Variants in HS3ST2 observed in about 807,000 individuals in gnomAD.
HS3ST2 encodes the protein heparan sulfate glucosamine 3-O-sulfotransferase 2.
Under a neutral mutation model 26.3 loss-of-function variants are expected in HS3ST2, and 17 were observed. That is an observed-to-expected ratio of 0.65 (90% confidence interval 0.44 to 0.97). HS3ST2 has a LOEUF of 0.97. Among genes scored for constraint, HS3ST2 ranks in the 50% least tolerant of loss-of-function variants. The pLI is 0.00. For synonymous variants in HS3ST2, 237 were observed against 219.2 expected, an observed-to-expected ratio of 1.08 and a Z score of -0.72; for missense variants, 402 against 501.2, an observed-to-expected ratio of 0.80 and a Z score of 1.89.
intron 1 of HS3ST2, among the ~76,000 whole-genome samples, chr16:22,830,018 G>C (rs1228223831): frequency 6.6e-6 from 1 of 152,164 alleles, no homozygotes; most frequent in Non-Finnish European, 1.5e-5. Flanking sequence ...GATGACCCAT[G>C]CTTGGAGAAA....
chr16:22,833,375 G>A, intron 1 of HS3ST2: 1 of 446,650 alleles, frequency 2.2e-6, no homozygotes, highest in South Asian at 1.6e-5. Context: ...TTGCTAAACT[G>A]TGGATGATAA....
intron 1 of HS3ST2, among the ~76,000 whole-genome samples, chr16:22,822,237 C>A (rs752896810): frequency 6.6e-6 from 1 of 152,138 alleles, no homozygotes; most frequent in Non-Finnish European, 1.5e-5. Context: ...ACAGTCAAGG[C>A]TCACTGCAGT....
Position 22,915,138 on chromosome 16 carries a change from C to A in HS3ST2, c.680C>A (p.Thr227Asn). The A allele has an allele frequency of 1.2e-6, 2 of 1,614,102 alleles. No individual in the cohort carries two copies. The highest frequency in any genetic ancestry group is 1.7e-6 in the Non-Finnish European group (2 of 1,180,018). Reference sequence around the variant, plus strand: ...CTCTCCAAGAAGCCCGACATCCCGACCTTTGAGGGCCTCTCCTTCCGCAAC... The same window carrying A: ...CTCTCCAAGAAGCCCGACATCCCGAACTTTGAGGGCCTCTCCTTCCGCAAC... ...QTLSKKPDIPTFEGLSFRNRT... is the reference protein window; with the variant it reads ...QTLSKKPDIPNFEGLSFRNRT... The change falls in exon 2 of 2, where the codon ACC becomes AAC. Residue 227 changes from threonine to asparagine, a missense_variant. Coordinates refer to ENST00000261374, the MANE Select transcript of HS3ST2 (RefSeq NM_006043.2).
intron 1 of HS3ST2, among the ~76,000 whole-genome samples, chr16:22,891,698 C>T (rs1006684600): frequency 2.6e-5 from 4 of 152,084 alleles, no homozygotes; most frequent in African/African-American, 4.8e-5. Flanking sequence ...AATTATGTCT[C>T]GCAATAAAAA....
At chr16:22,859,199 T>C (rs192360564) in intron 1 of HS3ST2, among the ~76,000 whole-genome samples, 7 of 152,244 alleles carry the variant, frequency 4.6e-5, no homozygotes, top group Non-Finnish European at 7.4e-5. Flanking sequence ...TTTATCCTTA[T>C]TTTTCTATTT....
Position 22,915,744 on chromosome 16 carries a change from T to A in HS3ST2, c.*182T>A. ...CAAGAGACCAGAGAGTCCCTGCCAC[T>A]AGTTTTCATCAGTCTGTTCAAGCAA... On this transcript the variant is annotated 3_prime_UTR_variant, in exon 2 of 2. Transcript: ENST00000261374. 1 of 644,378 alleles carries A rather than the reference T, an allele frequency of 1.6e-6. No homozygotes were observed. Among genetic ancestry groups the A allele is most frequent in the Non-Finnish European group, 2.7e-6 (1 of 371,806 alleles). 39.9% of individuals were successfully genotyped at this position (644,378 alleles called of 1,614,324 possible).
In HS3ST2 at chr16:22,870,032, G is replaced by C. The variant is rs575010708; in HGVS notation, c.486-44912G>C. ...ATTCTCACATTGAATTTAAAATGTAGGTATAATTTATTAATATCTCCAAGC... is the reference window on the plus strand; with the variant it reads ...ATTCTCACATTGAATTTAAAATGTACGTATAATTTATTAATATCTCCAAGC... On this transcript the variant is annotated intron_variant, in intron 1 of 1. Transcript: ENST00000261374. Among the ~76,000 whole-genome samples the C allele has an allele frequency of 2.7e-3, 407 of 152,136 alleles. 2 individuals carry two copies. Among genetic ancestry groups the C allele is most frequent in the Non-Finnish European group, 3.6e-3 (244 of 68,000 alleles).
At chr16:22,833,888 T>C (rs945404630) in intron 1 of HS3ST2, among the ~76,000 whole-genome samples, 3 of 151,892 alleles carry the variant, frequency 2.0e-5, no homozygotes, top group African/African-American at 7.3e-5. Context: ...AAAGAAAATA[T>C]ATACTCCTAT....
At chr16:22,854,986 C>T (rs1901569006) in intron 1 of HS3ST2, among the ~76,000 whole-genome samples, 1 of 152,144 alleles carries the variant, frequency 6.6e-6, no homozygotes, top group Non-Finnish European at 1.5e-5. Flanking sequence ...CTTTAAACTA[C>T]AATCACTTTA....
intron 1 of HS3ST2, among the ~76,000 whole-genome samples, chr16:22,887,048 G>T (rs1241353038): frequency 6.6e-6 from 1 of 152,152 alleles, no homozygotes; most frequent in Non-Finnish European, 1.5e-5. Context: ...CACCATGCCT[G>T]ATCTAATTCC....
In HS3ST2 at chr16:22,915,483, TA is replaced by T; in HGVS notation, c.1026del (p.Ile342MetfsTer44). ...CATGTACAGATTGATCCTGAAGTGA[TA>T]GACCAGCTCCGAGAATTTTATAGAC... ...RTHVQIDPEV[I>X]DQLREFYRPY... On this transcript the variant is annotated frameshift_variant, in exon 2 of 2. Transcript: ENST00000261374. LOFTEE classifies it high-confidence loss of function. 1 of 1,614,068 alleles carries T rather than the reference TA, an allele frequency of 6.2e-7. No homozygotes were observed. The highest frequency in any genetic ancestry group is 8.5e-7 in the Non-Finnish European group (1 of 1,180,006).
intron 1 of HS3ST2, among the ~76,000 whole-genome samples, chr16:22,853,964 T>G (rs960028273): frequency 6.6e-6 from 1 of 152,192 alleles, no homozygotes; most frequent in African/African-American, 2.4e-5. Flanking sequence ...TAGAAGAGCA[T>G]CTACTTCCTC....
chr16:22,845,427 C>T (rs892900210), intron 1 of HS3ST2, among the ~76,000 whole-genome samples: 1 of 144,380 alleles, frequency 6.9e-6, no homozygotes, highest in African/African-American at 2.8e-5. Flanking sequence ...TCTCGGCTCA[C>T]TGTAACCTCC....
chr16:22,892,220 G>T (rs1197571535), intron 1 of HS3ST2, among the ~76,000 whole-genome samples: 1 of 151,600 alleles, frequency 6.6e-6, no homozygotes, highest in Non-Finnish European at 1.5e-5. Flanking sequence ...AACCCAGGAA[G>T]TGGAGCTTGG....
chr16:22,844,843 C>T (rs1194425917), intron 1 of HS3ST2, among the ~76,000 whole-genome samples: 2 of 151,938 alleles, frequency 1.3e-5, no homozygotes, highest in African/African-American at 4.8e-5. Flanking sequence ...ACAGTTAAAC[C>T]TCTTTTCTTT....
chr16:22,864,280 GA>G (rs2141190478), intron 1 of HS3ST2, among the ~76,000 whole-genome samples: 1 of 152,236 alleles, frequency 6.6e-6, no homozygotes, highest in South Asian at 2.1e-4. Context: ...GCAAAGAGTA[GA>G]AACATATTCA....
chr16:22,867,204 C>A lies in HS3ST2; in HGVS notation c.486-47740C>A, dbSNP rs765711898. 7.0e-4 allele frequency among the ~76,000 whole-genome samples: 107 copies of A among 152,120 alleles called. 2 individuals are homozygous for A. Among genetic ancestry groups the A allele is most frequent in the Admixed American group, 5.2e-4 (8 of 15,276 alleles). On this transcript the variant is annotated intron_variant, in intron 1 of 1. Coordinates refer to ENST00000261374, the MANE Select transcript of HS3ST2 (RefSeq NM_006043.2). ...ACTTATTTAACAAATAGTGTTGAGACAACTGGCTTGCCATTTGGAAACTAA... is the reference window on the plus strand; with the variant it reads ...ACTTATTTAACAAATAGTGTTGAGAAAACTGGCTTGCCATTTGGAAACTAA...
rs1264721340 is a variant in HS3ST2 at position 22,915,354 on chromosome 16, C to T, written c.896C>T (p.Thr299Met). 3 of 1,614,054 alleles carry T rather than the reference C, an allele frequency of 1.9e-6. No homozygotes were observed. Among genetic ancestry groups the T allele is most frequent in the Admixed American group, 1.7e-5 (1 of 60,006 alleles). Residue 299 changes from threonine (T) to methionine (M), a missense_variant, in exon 2 of 2, where the codon ACG becomes ATG. Physicochemically the swap from Thr to Met is moderately conservative, Grantham distance 81 (BLOSUM62 -1). This residue lies in a region of HS3ST2 where 237 missense variants were observed against 346.6 expected (regional missense o/e 0.68). Transcript: ENST00000261374. ...TTCCTGGGCATTAAGAGATTCATCA[C>T]GGACAAGCACTTCTATTTCAACAAG... ...QDFLGIKRFI[T>M]DKHFYFNKTK...
intron 1 of HS3ST2, among the ~76,000 whole-genome samples, chr16:22,855,813 C>A (rs1358911695): frequency 6.6e-6 from 1 of 151,596 alleles, no homozygotes; most frequent in East Asian, 2.0e-4. Flanking sequence ...CCTCACAATT[C>A]CAAGTGCAAC....
Sources: gnomAD v4.1 joint callset for allele counts (sites outside exome capture counted in the v4.1 genomes callset) on GRCh38, gnomAD v4.1.1 for gene constraint, gnomAD v4.1.1 regional missense constraint, MANE v1.5 for transcripts, NCBI Gene and HGNC (gene_info 2026-07-23, HGNC 2026-07-21) for gene names.